SPINT4: variants seen among roughly 807,000 people sequenced by gnomAD.
SPINT4 encodes serine peptidase inhibitor, Kunitz type 4, also known as kunitz-type protease inhibitor 4.
SPINT4 carries 7 observed loss-of-function variants against 9.4 expected under a neutral mutation model. That is an observed-to-expected ratio of 0.74 (90% CI 0.42 to 1.40). The LOEUF (loss-of-function observed/expected upper bound fraction) is 1.40, where lower values mean the gene tolerates loss of function less well. SPINT4 is among the 40% of genes most tolerant of loss of function. SPINT4 has a pLI of 0.01. For missense variants in SPINT4, 105 were observed against 114.4 expected, an observed-to-expected ratio of 0.92 and a Z score of 0.37; for synonymous variants, 36 against 39.9, an observed-to-expected ratio of 0.90 and a Z score of 0.37.
chr20:45,725,017 T>C (rs1337522174), intron 2 of SPINT4, among the ~76,000 whole-genome samples: 2 of 123,182 alleles, frequency 1.6e-5, no homozygotes, highest in Admixed American at 8.8e-5. Context: ...TATATATATA[T>C]ATATATATAT....
At chr20:45,725,015 T>TATATATATATATATACAC (rs1984911887) in intron 2 of SPINT4, among the ~76,000 whole-genome samples, 1 of 113,522 alleles carries the variant, frequency 8.8e-6, no homozygotes, top group African/African-American at 3.8e-5. Flanking sequence ...TATATATATA[T>TATATATATATATATACAC]ATATATATAT....
At chr20:45,724,130 A>G (rs1185054286) in intron 2 of SPINT4, 73 bp downstream of exon 2, 4 of 1,455,342 alleles carry the variant, frequency 2.7e-6, no homozygotes, top group African/African-American at 1.5e-5. Context: ...AAGATAGAGA[A>G]AATTGATCAG....
Position 45,725,716 on chromosome 20 carries a change from T to A in SPINT4, c.*81T>A. The A allele has an allele frequency of 7.0e-6, 11 of 1,565,744 alleles. No homozygotes were observed. Among genetic ancestry groups the A allele is most frequent in the Non-Finnish European group, 9.7e-6 (11 of 1,136,270 alleles). On this transcript the variant is annotated 3_prime_UTR_variant, in exon 3 of 3. Transcript: ENST00000279058. ...AAATTCAGACTGATTTTGAAATCTT[T>A]GTAATATTTCCATAATGCTTTAAGC... is the stretch of plus-strand genomic sequence containing the variant.
intron 2 of SPINT4, 104 bp from the exon 3 acceptor site, chr20:45,725,525 T>A (rs911721917): frequency 1.0e-5 from 12 of 1,165,870 alleles, no homozygotes; most frequent in Middle Eastern, 1.9e-4. Context: ...ATAGAAGGCA[T>A]CCTCTGTGCT....
chr20:45,724,854 C>A lies in SPINT4; in HGVS notation c.294-775C>A, dbSNP rs528003077. 3.4e-5 allele frequency among the ~76,000 whole-genome samples: 5 copies of A among 147,420 alleles called. No homozygotes were observed. In the South Asian group the frequency reaches 1.1e-3, roughly 32 times the overall value. On this transcript the variant is annotated intron_variant, in intron 2 of 2. Transcript: ENST00000279058. Reference sequence around the variant, plus strand: ...AATTTGCCAGGCGTGGTGGCAGGCGCCTGTAGTCCCAGCTACTCGGGAGGC... The same window carrying A: ...AATTTGCCAGGCGTGGTGGCAGGCGACTGTAGTCCCAGCTACTCGGGAGGC...
At chr20:45,725,028 CAAT>C (rs1984914749) in intron 2 of SPINT4, among the ~76,000 whole-genome samples, 2 of 56,608 alleles carry the variant, frequency 3.5e-5, no homozygotes, top group Admixed American at 1.8e-4. Flanking sequence ...ATATATATAT[CAAT>C]AGATATATAT....
At chr20:45,722,981 G>A (rs1568681881) in intron 1 of SPINT4, among the ~76,000 whole-genome samples, 1 of 152,066 alleles carries the variant, frequency 6.6e-6, no homozygotes, top group Non-Finnish European at 1.5e-5. Flanking sequence ...GCTTCCAGGG[G>A]ACGAGAAAGT....
At chr20:45,725,011 T>TATATATACACAC (rs1555808997) in intron 2 of SPINT4, among the ~76,000 whole-genome samples, 1 of 47,730 alleles carries the variant, frequency 2.1e-5, no homozygotes, top group African/African-American at 2.0e-4. Flanking sequence ...TATATATATA[T>TATATATACACAC]ATATATATAT....
At position 45,725,004 on chromosome 20, in the gene SPINT4, A is replaced by G. The variant is rs1340197541; in HGVS notation, c.294-625A>G. Among the ~76,000 whole-genome samples, 8 of 113,668 alleles carry G rather than the reference A, an allele frequency of 7.0e-5. 2 individuals are homozygous for G. Among genetic ancestry groups the G allele is most frequent in the African/African-American group, 3.2e-4 (8 of 25,032 alleles). 74.6% of individuals were successfully genotyped at this position (113,668 alleles called of 152,430 possible). A position where few individuals can be genotyped will look rare whatever the true frequency, so the allele number is the denominator to read the frequency against. On this transcript the variant is annotated intron_variant, in intron 2 of 2. Coordinates refer to ENST00000279058, the MANE Select transcript of SPINT4 (RefSeq NM_178455.3). ...CAAAAAAAAAAAAAAAAATATATAT[A>G]TATATATATATATATATATATATCA...
intron 2 of SPINT4, 71 bp downstream of exon 2, chr20:45,724,128 GAAAATTGATCAGGGGCT>G: frequency 6.8e-7 from 1 of 1,464,706 alleles, no homozygotes; most frequent in Non-Finnish European, 9.2e-7. Flanking sequence ...CTAAGATAGA[GAAAATTGATCAGGGGCT>G]AACCTTGCTT....
At chr20:45,722,552 G>T (rs1389803905) in intron 1 of SPINT4, 70 bp downstream of exon 1, 1 of 1,175,064 alleles carries the variant, frequency 8.5e-7, no homozygotes, top group Non-Finnish European at 1.3e-6. Flanking sequence ...TGGGAGAAAA[G>T]TGTGTTATCT....
intron 2 of SPINT4, among the ~76,000 whole-genome samples, chr20:45,724,465 C>T (rs114147944): frequency 0.013 from 1,906 of 147,582 alleles, 46 homozygotes; most frequent in African/African-American, 0.045. Flanking sequence ...GCCGAGATCG[C>T]GCCATCCATT....
chr20:45,724,470 T>C (rs1984881248), intron 2 of SPINT4, among the ~76,000 whole-genome samples: 1 of 139,860 alleles, frequency 7.2e-6, no homozygotes, highest in South Asian at 2.4e-4. Flanking sequence ...GATCGCGCCA[T>C]CCATTGCACT....
At chr20:45,724,466 G>A (rs376184304) in intron 2 of SPINT4, among the ~76,000 whole-genome samples, 16 of 145,904 alleles carry the variant, frequency 1.1e-4, no homozygotes, top group Admixed American at 1.0e-3. Context: ...CCGAGATCGC[G>A]CCATCCATTG....
At position 45,722,347 on chromosome 20, in the gene SPINT4, C is replaced by G; in HGVS notation, c.-21C>G. On this transcript the variant is annotated 5_prime_UTR_variant, in exon 1 of 3. Coordinates refer to ENST00000279058, the MANE Select transcript of SPINT4 (RefSeq NM_178455.3). ...AACATCAGGTGATACCACAACTATC[C>G]TGCCTGCTGCTTGCTGCACCATGAA... 1.3e-6 allele frequency: 2 copies of G among 1,565,716 alleles called. No homozygotes were observed. Among genetic ancestry groups the G allele is most frequent in the East Asian group, 4.5e-5 (2 of 44,682 alleles).
chr20:45,724,844 G>T (rs188413445), intron 2 of SPINT4, among the ~76,000 whole-genome samples: 58 of 148,660 alleles, frequency 3.9e-4, no homozygotes, highest in Non-Finnish European at 6.4e-4. Flanking sequence ...GCCAGGCGTG[G>T]TGGCAGGCGC....
At chr20:45,724,996 A>AAAAAAAAAAC (rs60379805) in intron 2 of SPINT4, among the ~76,000 whole-genome samples, 1 of 52,902 alleles carries the variant, frequency 1.9e-5, no homozygotes, top group East Asian at 5.3e-4. Flanking sequence ...AAAAAAAAAA[A>AAAAAAAAAAC]TATATATATA....
intron 2 of SPINT4, among the ~76,000 whole-genome samples, chr20:45,725,077 C>G (rs1487140195): frequency 2.1e-5 from 3 of 141,582 alleles, no homozygotes; most frequent in Non-Finnish European, 4.5e-5. Context: ...AAACCAAGTA[C>G]AGTACAAGTA....
intron 2 of SPINT4, among the ~76,000 whole-genome samples, chr20:45,724,435 G>A (rs1284134789): frequency 4.0e-5 from 6 of 150,036 alleles, no homozygotes; most frequent in African/African-American, 9.8e-5. Flanking sequence ...GAAGTTCAGA[G>A]GGTTCAGAGG....
Sources: allele counts gnomAD v4.1 joint callset (sites outside exome capture counted in the v4.1 genomes callset), GRCh38; gene constraint gnomAD v4.1.1; transcripts MANE v1.5; gene names NCBI Gene and HGNC (gene_info 2026-07-23, HGNC 2026-07-21).